Variants in FARS2 observed in about 807,000 individuals in gnomAD.
The protein encoded by FARS2 is phenylalanyl-tRNA synthetase 2, mitochondrial, also known as phenylalanine--tRNA ligase, mitochondrial.
Under a neutral mutation model 46.4 loss-of-function variants are expected in FARS2, and 40 were observed. The observed-to-expected ratio is 0.86, with a 90% CI of 0.67 to 1.12. The LOEUF (loss-of-function observed/expected upper bound fraction) is 1.12, where lower values mean the gene tolerates loss of function less well. FARS2 is among the 50% of genes most tolerant of loss of function. The probability of loss-of-function intolerance (pLI) is 0.00; values close to 1 mark genes in which losing one functional copy is unlikely to be tolerated. For missense variants in FARS2, 513 were observed against 567.9 expected (o/e 0.90, Z 0.98); for synonymous variants, 234 against 214.9 (o/e 1.09, Z -0.78).
chr6:5,707,548 G>A (rs544999554), intron 6 of FARS2, among the ~76,000 whole-genome samples: 1 of 152,312 alleles, frequency 6.6e-6, no homozygotes, highest in Non-Finnish European at 1.5e-5. Context: ...GCTCAAGTCT[G>A]TATGGGTCTA....
At chr6:5,615,640 C>T (rs924530560) in intron 6 of FARS2, among the ~76,000 whole-genome samples, 4 of 152,048 alleles carry the variant, frequency 2.6e-5, no homozygotes, top group African/African-American at 9.7e-5. Context: ...TTTTTTCCCT[C>T]AATTCTTTTT....
chr6:5,650,289 T>G (rs1582670562), intron 6 of FARS2, among the ~76,000 whole-genome samples: 4 of 133,874 alleles, frequency 3.0e-5, no homozygotes, highest in African/African-American at 5.6e-5. Context: ...TGAGACAGAG[T>G]CTCAAAAGCA....
At chr6:5,250,309 T>C in the FARS2 span, among the ~76,000 whole-genome samples, 1 of 152,170 alleles carries the variant, frequency 6.6e-6, no homozygotes, top group Non-Finnish European at 1.5e-5. Context: ...CTACAGTCAA[T>C]AAATCAGCAA....
chr6:5,474,809 G>A (rs924530419), intron 4 of FARS2, among the ~76,000 whole-genome samples: 3 of 151,812 alleles, frequency 2.0e-5, no homozygotes, highest in Non-Finnish European at 4.4e-5. Flanking sequence ...ACAGGCACCC[G>A]CCACCACGCC....
chr6:5,723,348 C>A (rs1422067458), intron 6 of FARS2, among the ~76,000 whole-genome samples: 1 of 152,036 alleles, frequency 6.6e-6, no homozygotes, highest in East Asian at 1.9e-4. Flanking sequence ...TTGCAAATAT[C>A]AAGTGTAGTA....
intron 4 of FARS2, among the ~76,000 whole-genome samples, chr6:5,493,220 A>G (rs1767238186): frequency 6.6e-6 from 1 of 151,780 alleles, no homozygotes; most frequent in Non-Finnish European, 1.5e-5. Flanking sequence ...AAAAAAAAAA[A>G]AAAAAAAAGA....
At chr6:5,541,895 G>T (rs1770660014) in intron 4 of FARS2, among the ~76,000 whole-genome samples, 1 of 152,122 alleles carries the variant, frequency 6.6e-6, no homozygotes, top group Non-Finnish European at 1.5e-5. Flanking sequence ...AAAGGGGCAG[G>T]CAATTCCCAG....
At position 5,558,308 on chromosome 6, in the gene FARS2, A is replaced by G. The variant is rs538951660; in HGVS notation, c.1065+12968A>G. ...AATTGAGGGCTGCCTGTATTTAGAC[A>G]GAGAAACAAGTTACTTTGTAGGTAG... is the stretch of plus-strand genomic sequence containing the variant. On this transcript the variant is annotated intron_variant, in intron 5 of 6. Coordinates refer to ENST00000274680, the MANE Select transcript of FARS2 (RefSeq NM_006567.5). Among the ~76,000 whole-genome samples the G allele has an allele frequency of 2.8e-3, 419 of 152,232 alleles. 2 individuals are homozygous for G. The highest frequency in any genetic ancestry group is 0.014 in the Middle Eastern group (4 of 294).
At chr6:5,390,023 C>T (rs918857990) in intron 2 of FARS2, among the ~76,000 whole-genome samples, 1 of 152,098 alleles carries the variant, frequency 6.6e-6, no homozygotes, top group African/African-American at 2.4e-5. Flanking sequence ...CGCCACCACG[C>T]CAGGCTAATT....
At chr6:5,750,827 G>T (rs1761904292) in intron 6 of FARS2, among the ~76,000 whole-genome samples, 1 of 152,068 alleles carries the variant, frequency 6.6e-6, no homozygotes, top group African/African-American at 2.4e-5. Context: ...ACTATTAATA[G>T]GCTCTCTTTC....
At chr6:5,766,127 TGA>T (rs1368195354) in intron 6 of FARS2, among the ~76,000 whole-genome samples, 1 of 152,252 alleles carries the variant, frequency 6.6e-6, no homozygotes, top group Non-Finnish European at 1.5e-5. Flanking sequence ...ACTTTGCCTA[TGA>T]GTAGAAGCTG....
intron 6 of FARS2, among the ~76,000 whole-genome samples, chr6:5,651,131 C>T (rs1324290905): frequency 6.6e-6 from 1 of 152,142 alleles, no homozygotes; most frequent in Non-Finnish European, 1.5e-5. Flanking sequence ...GAGGAGACAT[C>T]AGCAACATAA....
intron 1 of FARS2, among the ~76,000 whole-genome samples, chr6:5,281,217 C>G (rs1392689706): frequency 6.6e-6 from 1 of 152,152 alleles, no homozygotes; most frequent in East Asian, 1.9e-4. Flanking sequence ...GCAGATTAAG[C>G]CTTAATAATA....
intron 6 of FARS2, among the ~76,000 whole-genome samples, chr6:5,640,660 C>T (rs1331013556): frequency 6.6e-6 from 1 of 152,240 alleles, no homozygotes; most frequent in East Asian, 1.9e-4. Context: ...GCCTGCTATG[C>T]GGCCTCTAGG....
intron 6 of FARS2, among the ~76,000 whole-genome samples, chr6:5,654,479 C>T (rs9504481): frequency 0.033 from 5,065 of 152,272 alleles, 192 homozygotes; most frequent in African/African-American, 0.095. Flanking sequence ...TGGACTGCAT[C>T]AAGTGCCTCT....
chr6:5,578,825 A>AC (rs1773153712), intron 5 of FARS2, among the ~76,000 whole-genome samples: 2 of 56,228 alleles, frequency 3.6e-5, no homozygotes, highest in African/African-American at 1.0e-4. Context: ...AAAAAAAAAA[A>AC]AAAAAAAACA....
chr6:5,738,561 T>G (rs1473128065), intron 6 of FARS2, among the ~76,000 whole-genome samples: 2 of 152,204 alleles, frequency 1.3e-5, no homozygotes, highest in African/African-American at 4.8e-5. Flanking sequence ...TACAAAGCTA[T>G]CTACATAATT....
rs187244639 is a variant in FARS2 at position 5,280,092 on chromosome 6, G to A, written c.-22+18432G>A. ...CCTCTATCTATGAGCTGTCTGTGGA[G>A]CAGTGACAGTGCTGTGGCTGCATGG... On this transcript the variant is annotated intron_variant, in intron 1 of 6. Coordinates refer to ENST00000274680, the MANE Select transcript of FARS2 (RefSeq NM_006567.5). Among the ~76,000 whole-genome samples the A allele has an allele frequency of 7.5e-4, 114 of 152,324 alleles. 1 individual carries two copies. Among genetic ancestry groups the A allele is most frequent in the African/African-American group, 2.7e-3 (112 of 41,562 alleles).
At chr6:5,658,459 G>A (rs550911173) in intron 6 of FARS2, among the ~76,000 whole-genome samples, 8 of 152,266 alleles carry the variant, frequency 5.3e-5, no homozygotes, top group African/African-American at 1.4e-4. Context: ...TGACCACTGA[G>A]CTATTCAAAT....
Sources: gnomAD v4.1 joint callset for allele counts (sites outside exome capture counted in the v4.1 genomes callset) on GRCh38, gnomAD v4.1.1 for gene constraint, MANE v1.5 for transcripts, NCBI Gene and HGNC (gene_info 2026-07-23, HGNC 2026-07-21) for gene names.